FHDC1: variants seen among roughly 807,000 people sequenced by gnomAD.
The protein encoded by FHDC1 is FH2 domain containing 1, also known as FH2 domain-containing protein 1.
A neutral mutation model predicts 52.6 loss-of-function variants in FHDC1; 25 were observed. The observed-to-expected ratio is 0.48, with a 90% confidence interval of 0.35 to 0.66. FHDC1 has a LOEUF of 0.66. Among genes scored for constraint, FHDC1 ranks in the 30% least tolerant of loss-of-function variants. FHDC1 has a pLI of 0.01. For synonymous variants in FHDC1, 616 were observed against 581.5 expected (o/e 1.06, Z -0.85); for missense variants, 1,459 against 1,452.8 (o/e 1.00, Z -0.07).
At chr4:152,959,705 G>T (rs1740215120) in intron 4 of FHDC1, among the ~76,000 whole-genome samples, 1 of 152,042 alleles carries the variant, frequency 6.6e-6, no homozygotes, top group Non-Finnish European at 1.5e-5. Flanking sequence ...GGAGATGTGG[G>T]GCTTTTTCAT....
intron 4 of FHDC1, 49 bp downstream of exon 4, chr4:152,954,368 G>A (rs755199179): frequency 6.7e-7 from 1 of 1,502,100 alleles, no homozygotes; most frequent in Non-Finnish European, 9.3e-7. Context: ...GATCATAAAA[G>A]CTTAATATTT....
chr4:152,968,475 C>T (rs903161318), intron 10 of FHDC1, among the ~76,000 whole-genome samples: 2 of 152,048 alleles, frequency 1.3e-5, no homozygotes, highest in African/African-American at 4.8e-5. Context: ...TACAGGCATG[C>T]ACCACCACAC....
chr4:152,942,239 A>C (rs1037854513), intron 1 of FHDC1, among the ~76,000 whole-genome samples: 5 of 152,216 alleles, frequency 3.3e-5, no homozygotes, highest in African/African-American at 1.2e-4. Context: ...TAATTTTACA[A>C]ATGAGAAAAC....
At chr4:152,937,035 G>T (rs1739404420) in intron 1 of FHDC1, among the ~76,000 whole-genome samples, 1 of 152,206 alleles carries the variant, frequency 6.6e-6, no homozygotes, top group Admixed American at 6.5e-5. Flanking sequence ...GCGCCTGCAG[G>T]AGTGTGGGGA....
intron 10 of FHDC1, among the ~76,000 whole-genome samples, chr4:152,969,070 CTTT>C (rs931041265): frequency 7.4e-5 from 11 of 148,770 alleles, no homozygotes; most frequent in African/African-American, 2.8e-4. Context: ...TGACATACTT[CTTT>C]TATCTTCCTT....
rs1426091409 is a variant in FHDC1 at position 152,943,455 on chromosome 4, C to A, written c.398C>A (p.Thr133Asn). Residue 133 changes from threonine (T) to asparagine (N), a missense_variant, in exon 2 of 12, where the codon ACC (threonine) becomes AAC (asparagine). Coordinates refer to ENST00000511601, the MANE Select transcript of FHDC1 (RefSeq NM_001371116.1). ...QEHHYQIDTK[T>N]IEELFGQQED... ...CATCACTACCAAATTGATACAAAGA[C>A]CATTGAGGAGCTCTTTGGGCAGCAG... is the stretch of plus-strand genomic sequence containing the variant. 6.2e-7 allele frequency: 1 copy of A among 1,613,970 alleles called. No homozygotes were observed. Among genetic ancestry groups the A allele is most frequent in the Non-Finnish European group, 8.5e-7 (1 of 1,180,028 alleles).
upstream of FHDC1, among the ~76,000 whole-genome samples, chr4:152,932,532 G>C (rs1739271086): frequency 6.6e-6 from 1 of 152,198 alleles, no homozygotes; most frequent in Non-Finnish European, 1.5e-5. Flanking sequence ...AAGGTCAGAG[G>C]ATTGGCAAGC....
intron 2 of FHDC1, among the ~76,000 whole-genome samples, chr4:152,949,124 T>TAATAATAAGAAGAAGAAGAAG (rs1347590282): frequency 5.0e-4 from 37 of 74,694 alleles, no homozygotes; most frequent in East Asian, 1.8e-3. Flanking sequence ...ATAATAATAA[T>TAATAATAAGAAGAAGAAGAAG]AAGAAGAAGA....
intron 3 of FHDC1, 61 bp from the exon 4 acceptor site, chr4:152,954,156 T>G: frequency 7.0e-7 from 1 of 1,419,692 alleles, no homozygotes; most frequent in East Asian, 2.3e-5. Flanking sequence ...TTCCACTGGC[T>G]TGCACCTCTG....
intron 2 of FHDC1, among the ~76,000 whole-genome samples, chr4:152,945,260 G>A (rs1349757059): frequency 6.6e-6 from 1 of 152,140 alleles, no homozygotes; most frequent in Non-Finnish European, 1.5e-5. Flanking sequence ...AAGCAGAGAT[G>A]TCCATTTCTA....
rs886400207 is a variant in FHDC1 at position 152,963,781 on chromosome 4, T to G, written c.1029+651T>G. ...TATCCATTGCTTTGTTTTTTTTTTT[T>G]TTTTTTTTTTTTTTTTTTTTTTGAC... On this transcript the variant is annotated intron_variant, in intron 8 of 11. Transcript: ENST00000511601. 3.6e-4 allele frequency among the ~76,000 whole-genome samples: 41 copies of G among 113,216 alleles called. 1 individual carries two copies. The highest frequency in any genetic ancestry group is 5.6e-4 in the Admixed American group (6 of 10,788). 74.3% of individuals were successfully genotyped at this position (113,216 alleles called of 152,430 possible). A position where few individuals can be genotyped will look rare whatever the true frequency, so the allele number is the denominator to read the frequency against.
chr4:152,939,327 G>T (rs557049917), intron 1 of FHDC1, among the ~76,000 whole-genome samples: 1 of 152,094 alleles, frequency 6.6e-6, no homozygotes, highest in African/African-American at 2.4e-5. Context: ...AGTAGAGACG[G>T]GTTTCACCAT....
chr4:152,953,632 G>C, intron 3 of FHDC1, 72 bp downstream of exon 3: 4 of 1,308,714 alleles, frequency 3.1e-6, no homozygotes, highest in Non-Finnish European at 4.3e-6. Flanking sequence ...GGGTGTGACT[G>C]AGCTGGAATT....
the FHDC1 span, among the ~76,000 whole-genome samples, chr4:152,919,175 G>A: frequency 6.6e-6 from 1 of 152,250 alleles, no homozygotes; most frequent in Non-Finnish European, 1.5e-5. Flanking sequence ...AAAATCACAA[G>A]CAATGTGAAA....
chr4:152,975,433 G>T lies in FHDC1; in HGVS notation c.2142G>T (p.Pro714=), dbSNP rs375157398. The T allele has an allele frequency of 6.2e-7, 1 of 1,613,408 alleles. No homozygotes were observed. Among genetic ancestry groups the T allele is most frequent in the Admixed American group, 1.7e-5 (1 of 60,026 alleles). Residue 714 remains proline, a synonymous_variant, in exon 12 of 12, where the codon CCG becomes CCT. Transcript: ENST00000511601. ...MELESVGHRG[P]QSLSASSSSL... is the part of the protein sequence containing the mutation. Reference sequence around the variant, plus strand: ...TAGAGTCTGTGGGGCATAGGGGCCCGCAGTCCCTCAGTGCCAGCAGCAGCA... The same window carrying T: ...TAGAGTCTGTGGGGCATAGGGGCCCTCAGTCCCTCAGTGCCAGCAGCAGCA...
chr4:152,931,928 A>G (rs56289359), upstream of FHDC1, among the ~76,000 whole-genome samples: 3 of 134,902 alleles, frequency 2.2e-5, no homozygotes, highest in South Asian at 2.4e-4. Flanking sequence ...TGGAGCGAGA[A>G]CCTGTCTAAA....
chr4:152,962,963 G>T (rs1416775561), intron 7 of FHDC1, 60 bp from the exon 8 acceptor site: 5 of 1,489,706 alleles, frequency 3.4e-6, no homozygotes, highest in Non-Finnish European at 4.7e-6. Context: ...GTGTGTGTGT[G>T]TGTGTGTGTG....
the FHDC1 span, among the ~76,000 whole-genome samples, chr4:152,926,219 C>T: frequency 6.8e-6 from 1 of 147,684 alleles, no homozygotes; most frequent in Non-Finnish European, 1.5e-5. Flanking sequence ...AAACCAAGGT[C>T]CTAGGAGGGA....
intron 3 of FHDC1, among the ~76,000 whole-genome samples, 185 bp downstream of exon 3, chr4:152,953,745 G>A (rs946044038): frequency 1.3e-5 from 2 of 152,182 alleles, no homozygotes; most frequent in African/African-American, 2.4e-5. Context: ...ATAACATAGT[G>A]GCTTGAAGTA....
Sources: allele counts gnomAD v4.1 joint callset (sites outside exome capture counted in the v4.1 genomes callset), GRCh38; gene constraint gnomAD v4.1.1; transcripts MANE v1.5; gene names NCBI Gene and HGNC (gene_info 2026-07-23, HGNC 2026-07-21).